Variants in SRGAP3 observed in about 807,000 individuals in gnomAD.
SRGAP3 encodes SLIT-ROBO Rho GTPase activating protein 3, also known as SLIT-ROBO Rho GTPase-activating protein 3.
SRGAP3 carries 39 observed loss-of-function variants against 121.1 expected under a neutral mutation model. The ratio of observed to expected loss-of-function variants is 0.32; its 90% CI spans 0.25 to 0.42. The LOEUF (loss-of-function observed/expected upper bound fraction) is 0.42, where lower values mean the gene tolerates loss of function less well. Ranked by LOEUF, SRGAP3 falls within the 10% of genes least tolerant of loss-of-function variation. SRGAP3 has a pLI of 1.00. For synonymous variants in SRGAP3, 601 were observed against 570.0 expected, an observed-to-expected ratio of 1.05 and a Z score of -0.77; for missense variants, 1,213 against 1,470.6, an observed-to-expected ratio of 0.82 and a Z score of 2.86.
At chr3:9,231,031 A>C (rs1355681759) in intron 1 of SRGAP3, among the ~76,000 whole-genome samples, 12 of 152,126 alleles carry the variant, frequency 7.9e-5, no homozygotes, top group Non-Finnish European at 1.8e-4. Flanking sequence ...GATAATTATC[A>C]GGGTCTTGGA....
chr3:9,070,566 T>A (rs970506822), intron 4 of SRGAP3, among the ~76,000 whole-genome samples: 14 of 152,036 alleles, frequency 9.2e-5, no homozygotes, highest in African/African-American at 3.4e-4. Context: ...GATCAGTGAA[T>A]ATGGCTGAAT....
chr3:9,055,871 T>C (rs917079409), intron 8 of SRGAP3, among the ~76,000 whole-genome samples: 3 of 144,340 alleles, frequency 2.1e-5, no homozygotes, highest in Non-Finnish European at 3.0e-5. Context: ...CATAGAGTCC[T>C]ATTTCCTTTT....
intron 1 of SRGAP3, among the ~76,000 whole-genome samples, chr3:9,156,039 T>A (rs1260451186): frequency 6.6e-6 from 1 of 152,170 alleles, no homozygotes; most frequent in African/African-American, 2.4e-5. Context: ...ATGGTCTCCA[T>A]CTCCTGACCT....
Position 9,307,130 on chromosome 3 carries a change from G to A in SRGAP3, n.442+18880C>T, listed in dbSNP as rs539382970. 7.2e-5 allele frequency among the ~76,000 whole-genome samples: 11 copies of A among 152,178 alleles called. No homozygotes were observed. In the East Asian group the frequency reaches 7.8e-4, roughly 11 times the overall value. ...TGGGACTAGAGGCACGTGCCATCAC[G>A]CCTGGCTTATTTTTTGTGTTTTTAG... On this transcript the variant is annotated intron_variant and non_coding_transcript_variant, in intron 3 of 3. Transcript: ENST00000490889.
At chr3:9,048,780 T>C (rs74568894) in intron 9 of SRGAP3, among the ~76,000 whole-genome samples, 7,139 of 152,206 alleles carry the variant, frequency 0.047, 357 homozygotes, top group East Asian at 0.14. Flanking sequence ...GCTATGTTCA[T>C]GCCACTGCAC....
intron 5 of SRGAP3, among the ~76,000 whole-genome samples, chr3:9,060,819 T>C (rs749239203): frequency 6.6e-6 from 1 of 151,930 alleles, no homozygotes; most frequent in Non-Finnish European, 1.5e-5. Context: ...CTCCATCTGC[T>C]AGATGAGTAA....
chr3:9,336,341 G>A (rs747067867), intron 1 of SRGAP3, among the ~76,000 whole-genome samples: 20 of 152,066 alleles, frequency 1.3e-4, no homozygotes, highest in Non-Finnish European at 2.5e-4. Flanking sequence ...TCAGCCTCCT[G>A]AGTAGCTGGG....
rs545163632 is a variant in SRGAP3, at chr3:9,133,353, G to A, written c.68-8436C>T. On this transcript the variant is annotated intron_variant, in intron 1 of 21. Coordinates refer to ENST00000383836, the MANE Select transcript of SRGAP3 (RefSeq NM_014850.4). ...CAAAAACTTATCTGGGCATGGTGGC[G>A]CACACCTGTAATCCCAGCTAACTGT... Among the ~76,000 whole-genome samples the A allele has an allele frequency of 3.6e-3, 542 of 152,046 alleles. 2 individuals carry two copies. Among genetic ancestry groups the A allele is most frequent in the South Asian group, 0.016 (77 of 4,820 alleles).
chr3:9,007,145 T>C (rs1943123781), intron 18 of SRGAP3: 1 of 151,912 alleles, frequency 6.6e-6, no homozygotes, highest in Non-Finnish European at 1.5e-5. Context: ...TATTTTGGTT[T>C]TTTTTGTAGA....
intron 3 of SRGAP3, among the ~76,000 whole-genome samples, chr3:9,294,179 A>C (rs534623325): frequency 6.6e-6 from 1 of 152,320 alleles, no homozygotes; most frequent in Non-Finnish European, 1.5e-5. Context: ...CACACCATAG[A>C]ATACTATGCA....
rs566042201 is a variant in SRGAP3, at chr3:9,109,346, G to A, written c.261-4504C>T. 6.6e-6 allele frequency among the ~76,000 whole-genome samples: 1 copy of A among 152,296 alleles called. No homozygotes were observed. Among genetic ancestry groups the A allele is most frequent in the South Asian group, 2.1e-4 (1 of 4,818 alleles). ...AGCCAGAGAGATGAGATGAGAGGAA[G>A]GGCAGAGAGCACAGCGCTGTCCTTA... On this transcript the variant is annotated intron_variant, in intron 2 of 21. Transcript: ENST00000383836. This position sits in a 1 kb window ranked among gnomAD's most constrained non-coding sequence, Gnocchi z 4.4.
intron 5 of SRGAP3, among the ~76,000 whole-genome samples, chr3:9,060,835 G>A (rs1446766020): frequency 3.3e-5 from 5 of 152,140 alleles, no homozygotes; most frequent in Admixed American, 6.5e-5. Flanking sequence ...AGTAAGGGCT[G>A]GACCTGGACT....
chr3:9,086,082 C>T (rs1464120973), intron 3 of SRGAP3, among the ~76,000 whole-genome samples: 1 of 152,234 alleles, frequency 6.6e-6, no homozygotes. Flanking sequence ...AGTGGCTGAT[C>T]CAGAGAACAC....
intron 1 of SRGAP3, among the ~76,000 whole-genome samples, chr3:9,185,662 G>C (rs958368883): frequency 6.6e-6 from 1 of 151,886 alleles, no homozygotes; most frequent in South Asian, 2.1e-4. Context: ...TCCCTAAGTA[G>C]CTGGGACTAT....
chr3:9,051,607 GATA>G (rs1433059835), intron 9 of SRGAP3, among the ~76,000 whole-genome samples: 2 of 151,486 alleles, frequency 1.3e-5, no homozygotes, highest in Non-Finnish European at 2.9e-5. Context: ...AGCTATAACT[GATA>G]ATAACTTAGC....
At chr3:9,118,691 G>GCC (rs59590687) in intron 2 of SRGAP3, among the ~76,000 whole-genome samples, 10 of 149,004 alleles carry the variant, frequency 6.7e-5, no homozygotes, top group African/African-American at 2.2e-4. Context: ...AGATTGCCAG[G>GCC]CCCCCCCCCC....
chr3:9,036,300 C>T (rs1023053456), intron 11 of SRGAP3: 1 of 152,178 alleles, frequency 6.6e-6, no homozygotes, highest in African/African-American at 2.4e-5. Flanking sequence ...AGCCATAGGA[C>T]AGAGACATTG....
At chr3:9,103,784 T>C (rs1011929802) in intron 3 of SRGAP3, among the ~76,000 whole-genome samples, 9 of 152,182 alleles carry the variant, frequency 5.9e-5, no homozygotes, top group African/African-American at 2.2e-4. Context: ...TCTACAAACA[T>C]TTGCACAGCA....
At chr3:9,039,701 TAGTCG>T (rs1272622871) in intron 10 of SRGAP3, among the ~76,000 whole-genome samples, 2 of 152,232 alleles carry the variant, frequency 1.3e-5, no homozygotes, top group Non-Finnish European at 2.9e-5. Flanking sequence ...CAGATTTGCG[TAGTCG>T]AGACATTTTA....
Sources: allele counts gnomAD v4.1 joint callset (sites outside exome capture counted in the v4.1 genomes callset), GRCh38; gene constraint gnomAD v4.1.1; non-coding constraint Gnocchi (gnomAD v3.1); transcripts MANE v1.5; gene names NCBI Gene and HGNC (gene_info 2026-07-23, HGNC 2026-07-21).